The following ATP8B4 variants were observed in gnomAD, a reference collection of about 807,000 sequenced individuals.
ATP8B4 encodes the protein ATPase phospholipid transporting 8B4 (putative), also known as probable phospholipid-transporting ATPase IM.
Under a neutral mutation model 145.6 loss-of-function variants are expected in ATP8B4, and 133 were observed. That is an observed-to-expected ratio of 0.91 (90% CI 0.79 to 1.05). The LOEUF is 1.05. Ranked by LOEUF, ATP8B4 falls within the 50% of genes least tolerant of loss-of-function variation. ATP8B4 has a pLI of 0.00. For synonymous variants in ATP8B4, 507 were observed against 492.9 expected, an observed-to-expected ratio of 1.03 and a Z score of -0.38; for missense variants, 1,458 against 1,425.2, an observed-to-expected ratio of 1.02 and a Z score of -0.37.
rs150738739 is a variant in ATP8B4 at position 49,894,800 on chromosome 15, C to T, written c.2697+2492G>A. On this transcript the variant is annotated intron_variant, in intron 23 of 27. Coordinates refer to ENST00000284509, the MANE Select transcript of ATP8B4 (RefSeq NM_024837.4). The stretch of plus-strand genomic sequence containing the variant: ...ACTGTGTGAGTGACTGGAGGCACGT[C>T]GGAATGGCTCTCTTTGCTGCACCTG... 443 of 152,438 alleles carry T rather than the reference C, an allele frequency of 2.9e-3. 5 individuals are homozygous for T. The highest frequency in any genetic ancestry group is 0.01 in the African/African-American group (421 of 41,536). 9.4% of individuals were successfully genotyped at this position (152,438 alleles called of 1,614,324 possible).
At chr15:49,952,596 T>C (rs1326730024) in intron 14 of ATP8B4, among the ~76,000 whole-genome samples, 1 of 152,204 alleles carries the variant, frequency 6.6e-6, no homozygotes, top group African/African-American at 2.4e-5. Flanking sequence ...GCAATTCCTC[T>C]AACCTTTTAT....
At chr15:49,861,033 C>A (rs2031601758) in intron 27 of ATP8B4, among the ~76,000 whole-genome samples, 1 of 89,714 alleles carries the variant, frequency 1.1e-5, no homozygotes, top group Admixed American at 1.0e-4. Context: ...ACAACTCTTT[C>A]ATTCCCCTGT....
chr15:50,086,183 AT>A (rs1349684989), intron 2 of ATP8B4, among the ~76,000 whole-genome samples: 6 of 107,296 alleles, frequency 5.6e-5, no homozygotes, highest in African/African-American at 1.8e-4. Context: ...AGAGATCTAT[AT>A]TTATTATATA....
In ATP8B4 at chr15:50,018,853, T is replaced by C. The variant is rs750990264; in HGVS notation, c.363-7936A>G. 668 of 947,864 alleles carry C rather than the reference T, an allele frequency of 7.0e-4. 1 individual carries two copies. Among genetic ancestry groups the C allele is most frequent in the Non-Finnish European group, 9.2e-4 (636 of 687,568 alleles). 58.7% of individuals were successfully genotyped at this position (947,864 alleles called of 1,614,324 possible). A position where few individuals can be genotyped will look rare whatever the true frequency, so the allele number is the denominator to read the frequency against. On this transcript the variant is annotated intron_variant, in intron 6 of 27. Coordinates refer to ENST00000284509, the MANE Select transcript of ATP8B4 (RefSeq NM_024837.4). ...TATTTATAATCATGGGTAAAATATC[T>C]CTACTCTCTGAAGCTTCGACCATTA...
chr15:50,030,765 G>A (rs1001675155), intron 6 of ATP8B4, among the ~76,000 whole-genome samples: 4 of 152,156 alleles, frequency 2.6e-5, no homozygotes, highest in Non-Finnish European at 5.9e-5. Flanking sequence ...GAAATTAAGA[G>A]ATGCCACTGG....
chr15:50,106,738 T>C (rs2056700361), intron 2 of ATP8B4, among the ~76,000 whole-genome samples: 1 of 152,126 alleles, frequency 6.6e-6, no homozygotes, highest in African/African-American at 2.4e-5. Context: ...CAAGGGAACT[T>C]TCTGGGGTGA....
chr15:50,007,718 C>T (rs1336083306), intron 7 of ATP8B4, among the ~76,000 whole-genome samples: 2 of 152,008 alleles, frequency 1.3e-5, no homozygotes, highest in Admixed American at 6.6e-5. Flanking sequence ...TTTTGCCCCC[C>T]GAATATAAGC....
intron 1 of ATP8B4, among the ~76,000 whole-genome samples, chr15:50,117,742 T>C (rs1425602402): frequency 6.6e-6 from 1 of 152,218 alleles, no homozygotes; most frequent in Non-Finnish European, 1.5e-5. Context: ...AGCCAAGATA[T>C]GGAAGCAATA....
intron 7 of ATP8B4, among the ~76,000 whole-genome samples, chr15:50,004,055 T>A (rs1042499562): frequency 3.9e-5 from 6 of 152,148 alleles, no homozygotes; most frequent in Non-Finnish European, 7.4e-5. Context: ...TCTCCCCAGT[T>A]ACCAGCTTTT....
At chr15:50,153,678 C>T (rs538464253) in intron 1 of ATP8B4, among the ~76,000 whole-genome samples, 1 of 152,220 alleles carries the variant, frequency 6.6e-6, no homozygotes, top group South Asian at 2.1e-4. Flanking sequence ...GGCAATGATG[C>T]ACGACCTACA....
At chr15:50,092,095 C>T (rs572727177) in intron 2 of ATP8B4, among the ~76,000 whole-genome samples, 1 of 152,230 alleles carries the variant, frequency 6.6e-6, no homozygotes, top group African/African-American at 2.4e-5. Context: ...AGTTCAGAGC[C>T]TAGCAGGGAA....
At position 50,159,386 on chromosome 15, in the gene ATP8B4, G is replaced by A. The variant is rs192597783; in HGVS notation, c.-43+22875C>T. Among the ~76,000 whole-genome samples the A allele has an allele frequency of 3.5e-3, 534 of 152,224 alleles. 5 individuals carry two copies. The highest frequency in any genetic ancestry group is 0.012 in the African/African-American group (508 of 41,552). On this transcript the variant is annotated intron_variant, in intron 1 of 3. Transcript: ENST00000558829. ...CTGAATTTGTTTATCAGTTCTAATC[G>A]TTTTTTAGCCGAGTCTTTAGGTTTT...
intron 9 of ATP8B4, among the ~76,000 whole-genome samples, chr15:49,988,104 T>C (rs964715947): frequency 1.3e-5 from 2 of 152,232 alleles, no homozygotes; most frequent in Admixed American, 1.3e-4. Flanking sequence ...TCAGCTGTTC[T>C]ATGCTTCTTA....
chr15:50,005,065 A>G (rs560339483), intron 7 of ATP8B4, among the ~76,000 whole-genome samples: 1 of 152,322 alleles, frequency 6.6e-6, no homozygotes, highest in Non-Finnish European at 1.5e-5. Flanking sequence ...CAAGTGGGCC[A>G]GGATATCATT....
chr15:50,078,179 C>T (rs887558671), intron 2 of ATP8B4, among the ~76,000 whole-genome samples: 2 of 145,744 alleles, frequency 1.4e-5, no homozygotes, highest in African/African-American at 2.5e-5. Context: ...TAGAGATGCT[C>T]TTTTTTTTTT....
intron 6 of ATP8B4, among the ~76,000 whole-genome samples, chr15:50,013,264 A>C (rs1028185996): frequency 6.6e-6 from 1 of 152,130 alleles, no homozygotes; most frequent in African/African-American, 2.4e-5. Context: ...TGTGTGATGC[A>C]GCTGTTCTCA....
At chr15:50,020,519 G>C (rs563651180) in intron 6 of ATP8B4, among the ~76,000 whole-genome samples, 1 of 151,966 alleles carries the variant, frequency 6.6e-6, no homozygotes, top group East Asian at 1.9e-4. Context: ...TGATCTGCCC[G>C]CCTCAGCCTC....
intron 16 of ATP8B4, 52 bp downstream of exon 16, chr15:49,931,067 A>C: frequency 2.4e-5 from 36 of 1,509,276 alleles, no homozygotes; most frequent in African/African-American, 4.2e-5. Flanking sequence ...CTTGAAAAGC[A>C]TAACCACAAC....
At chr15:50,061,758 G>A (rs909822169) in intron 3 of ATP8B4, among the ~76,000 whole-genome samples, 6 of 152,270 alleles carry the variant, frequency 3.9e-5, no homozygotes, top group Non-Finnish European at 7.4e-5. Context: ...TATAGTGCAA[G>A]TTGGGAAGTT....
Sources: allele counts gnomAD v4.1 joint callset (sites outside exome capture counted in the v4.1 genomes callset), GRCh38; gene constraint gnomAD v4.1.1; transcripts MANE v1.5; gene names NCBI Gene and HGNC (gene_info 2026-07-23, HGNC 2026-07-21).